Variants in ZNF776 observed in about 807,000 individuals in gnomAD.
ZNF776 encodes the protein zinc finger protein 776.
ZNF776 carries 4 observed loss-of-function variants against 7.0 expected under a neutral mutation model. The observed-to-expected ratio is 0.57, with a 90% CI of 0.28 to 1.31. The LOEUF is 1.31. ZNF776 is among the 50% of genes most tolerant of loss of function. The pLI, the probability that ZNF776 is intolerant of heterozygous loss-of-function variation, is 0.10. For synonymous variants in ZNF776, 212 were observed against 213.7 expected (o/e 0.99, Z 0.07); for missense variants, 555 against 625.9 (o/e 0.89, Z 1.21).
chr19:57,748,574 A>T (rs538811382), intron 1 of ZNF776, among the ~76,000 whole-genome samples: 16 of 152,224 alleles, frequency 1.1e-4, no homozygotes, highest in Non-Finnish European at 1.9e-4. Flanking sequence ...TTCTGGTGGT[A>T]AATCTTTTAG....
In ZNF776 at chr19:57,756,186, A is replaced by G. The variant is rs1986771151; in HGVS notation, c.*1499A>G. ...GCTGCGGGTTGGACCAGCTTGGCCT[A>G]GAGAATTTTTCTGATTACTTGACAA... On this transcript the variant is annotated 3_prime_UTR_variant, in exon 3 of 3. Transcript: ENST00000317178. 1 of 152,204 alleles carries G rather than the reference A, an allele frequency of 6.6e-6. No homozygotes were observed. Among genetic ancestry groups the G allele is most frequent in the South Asian group, 2.1e-4 (1 of 4,828 alleles). 9.4% of individuals were successfully genotyped at this position (152,204 alleles called of 1,614,324 possible).
In ZNF776 at chr19:57,750,711, G is replaced by A. The variant is rs986392202; in HGVS notation, c.34-74G>A. ...CTCCTTGTAGTTTAGGACCTTGGGAGGAGGAAGGGCAAGGGTGGATAAGTG... is the reference window on the plus strand; with the variant it reads ...CTCCTTGTAGTTTAGGACCTTGGGAAGAGGAAGGGCAAGGGTGGATAAGTG... On this transcript the variant is annotated intron_variant, in intron 1 of 2. Coordinates refer to ENST00000317178, the MANE Select transcript of ZNF776 (RefSeq NM_173632.4). The A allele has an allele frequency of 9.9e-6, 15 of 1,516,604 alleles. No individual in the cohort carries two copies. The African/African-American group carries it at 2.0e-4, about 20-fold the overall frequency. The allele number at this position is 1,516,604 out of a possible 1,614,324, so 93.9% of individuals were successfully genotyped here.
At position 57,754,623 on chromosome 19, in the gene ZNF776, G is replaced by A. The variant is rs533410513; in HGVS notation, c.1493G>A (p.Arg498His). Residue 498 changes from arginine (R) to histidine (H), a missense_variant, in exon 3 of 3, where the codon CGT (arginine) becomes CAT (histidine). Coordinates refer to ENST00000317178, the MANE Select transcript of ZNF776 (RefSeq NM_173632.4). ...TGTGGAGAATGTGGAAAGTGTTTTC[G>A]TCAAAAGGGAAACCTCATTAAACAT... ...HECGECGKCF[R>H]QKGNLIKHQR... 2.8e-5 allele frequency: 45 copies of A among 1,614,026 alleles called. No individual in the cohort carries two copies. Among genetic ancestry groups the A allele is most frequent in the South Asian group, 1.3e-4 (12 of 91,074 alleles).
chr19:57,751,484 C>T (rs1986600719), intron 2 of ZNF776, among the ~76,000 whole-genome samples: 1 of 152,108 alleles, frequency 6.6e-6, no homozygotes, highest in Admixed American at 6.6e-5. Flanking sequence ...TCCTCAGCCT[C>T]TAGAGTAACT....
rs762857945 is a variant in ZNF776 at position 57,747,084 on chromosome 19, C to G, written c.26C>G (p.Pro9Arg). The G allele has an allele frequency of 1.4e-5, 23 of 1,591,546 alleles. No individual in the cohort carries two copies. In the East Asian group the frequency reaches 4.6e-4, roughly 32 times the overall value. Residue 9 changes from proline to arginine, a missense_variant, in exon 1 of 3, where the codon CCG (proline) becomes CGG (arginine). By Grantham distance (103) the Pro-to-Arg change is moderately radical. Coordinates refer to ENST00000317178, the MANE Select transcript of ZNF776 (RefSeq NM_173632.4). ...ATGGCGGCGGCCGCGCTGAGGCCCC[C>G]GGCTCAGGTAATTGTGGCGTCTTCC... MAAAALRP[P>R]AQGTVTFEDV...
In ZNF776 at chr19:57,753,275, A is replaced by T; in HGVS notation, c.161-16A>T. 6.3e-7 allele frequency: 1 copy of T among 1,597,096 alleles called. No homozygotes were observed. The highest frequency in any genetic ancestry group is 8.5e-7 in the Non-Finnish European group (1 of 1,171,196). On this transcript the variant is annotated splice_polypyrimidine_tract_variant and intron_variant, in intron 2 of 2. Transcript: ENST00000317178. The stretch of plus-strand genomic sequence containing the variant: ...CGGAAGTACCTTGCATTTTACCAGC[A>T]TTTTATTTCTTTTAGGTTGTTGGTA...
Position 57,754,860 on chromosome 19 carries a change from A to G in ZNF776, c.*173A>G, listed in dbSNP as rs1483482886. ...AAGGCTTTCTGAGTGTAGAGAATGT[A>G]TGAAATCCTGTACATAGAAGTTTTG... On this transcript the variant is annotated 3_prime_UTR_variant, in exon 3 of 3. Transcript: ENST00000317178. The G allele has an allele frequency of 4.6e-6, 3 of 656,376 alleles. No individual in the cohort carries two copies. Among genetic ancestry groups the G allele is most frequent in the Admixed American group, 5.9e-5 (2 of 33,708 alleles). 40.7% of individuals were successfully genotyped at this position (656,376 alleles called of 1,614,324 possible). A position where few individuals can be genotyped will look rare whatever the true frequency, so the allele number is the denominator to read the frequency against.
At chr19:57,751,682 G>GTT (rs1248918001) in intron 2 of ZNF776, among the ~76,000 whole-genome samples, 1 of 138,076 alleles carries the variant, frequency 7.2e-6, no homozygotes, top group African/African-American at 2.6e-5. Flanking sequence ...TTGCTTTTTT[G>GTT]TTTTTTTTTT....
intron 2 of ZNF776, among the ~76,000 whole-genome samples, chr19:57,751,732 CTGATGCAATCA>C (rs1986607325): frequency 1.3e-5 from 2 of 150,794 alleles, no homozygotes. Context: ...CTGCAGTCTA[CTGATGCAATCA>C]TGGTTCACTT....
chr19:57,752,993 A>G (rs1986650085), intron 2 of ZNF776, among the ~76,000 whole-genome samples: 1 of 152,258 alleles, frequency 6.6e-6, no homozygotes, highest in South Asian at 2.1e-4. Context: ...CAGAAACAGA[A>G]TGTTGCCTTT....
chr19:57,751,839 A>C (rs1600067517), intron 2 of ZNF776, among the ~76,000 whole-genome samples: 1 of 130,624 alleles, frequency 7.7e-6, no homozygotes, highest in African/African-American at 2.8e-5. Flanking sequence ...CTGCCCAACT[A>C]ATTTTTGTTC....
chr19:57,747,261 G>A (rs1299118987), intron 1 of ZNF776, among the ~76,000 whole-genome samples, 170 bp downstream of exon 1: 1 of 152,172 alleles, frequency 6.6e-6, no homozygotes, highest in Non-Finnish European at 1.5e-5. Flanking sequence ...GCTCAGGAGA[G>A]CTACAGGCAC....
chr19:57,752,677 G>T (rs540928238), intron 2 of ZNF776, among the ~76,000 whole-genome samples: 1 of 152,304 alleles, frequency 6.6e-6, no homozygotes, highest in East Asian at 1.9e-4. Flanking sequence ...GAGAGTTTCA[G>T]ACTTCACCGT....
chr19:57,747,030 T>A lies in ZNF776; in HGVS notation c.-29T>A. ...GGTACCTGCACTGCTCGCCCCCTCCTTTCGACCCCGCTTTCCCCACCCAGT... is the reference window on the plus strand; with the variant it reads ...GGTACCTGCACTGCTCGCCCCCTCCATTCGACCCCGCTTTCCCCACCCAGT... On this transcript the variant is annotated 5_prime_UTR_variant, in exon 1 of 3. Coordinates refer to ENST00000317178, the MANE Select transcript of ZNF776 (RefSeq NM_173632.4). 1 of 1,567,868 alleles carries A rather than the reference T, an allele frequency of 6.4e-7. No homozygotes were observed. Among genetic ancestry groups the A allele is most frequent in the African/African-American group, 1.4e-5 (1 of 73,594 alleles).
intron 1 of ZNF776, among the ~76,000 whole-genome samples, chr19:57,749,659 C>T (rs998363652): frequency 6.6e-6 from 1 of 152,126 alleles, no homozygotes; most frequent in Admixed American, 6.5e-5. Context: ...TAATAATCAG[C>T]ATGGCCTAAT....
chr19:57,754,708 T>TA lies in ZNF776; in HGVS notation c.*26dup. The TA allele has an allele frequency of 1.9e-6, 3 of 1,598,024 alleles. No homozygotes were observed. Among genetic ancestry groups the TA allele is most frequent in the African/African-American group, 2.7e-5 (2 of 74,604 alleles). On this transcript the variant is annotated 3_prime_UTR_variant, in exon 3 of 3. Transcript: ENST00000317178. Reference sequence around the variant, plus strand: ...GTTGAAAATTTGGCAGATCTGTTGGTAAAAAGAGCACCCTCATTCAACATT... The same window carrying TA: ...GTTGAAAATTTGGCAGATCTGTTGGTAAAAAAGAGCACCCTCATTCAACATT...
Position 57,756,733 on chromosome 19 carries a change from C to T in ZNF776, c.*2046C>T, listed in dbSNP as rs1238234249. The T allele has an allele frequency of 3.5e-6, 1 of 282,502 alleles. No homozygotes were observed. Among genetic ancestry groups the T allele is most frequent in the Non-Finnish European group, 7.1e-6 (1 of 139,912 alleles). The allele number at this position is 282,502 out of a possible 1,614,324, so 17.5% of individuals were successfully genotyped here. A position where few individuals can be genotyped will look rare whatever the true frequency, so the allele number is the denominator to read the frequency against. On this transcript the variant is annotated 3_prime_UTR_variant, in exon 3 of 3. Coordinates refer to ENST00000317178, the MANE Select transcript of ZNF776 (RefSeq NM_173632.4). ...TGTTTATAATGGATATTGCATTCTGCTCAGTACTGGTGAGGGAAATCTGTT... is the reference window on the plus strand; with the variant it reads ...TGTTTATAATGGATATTGCATTCTGTTCAGTACTGGTGAGGGAAATCTGTT...
rs1986679115 is a variant in ZNF776 at position 57,753,726 on chromosome 19, T to A, written c.596T>A (p.Ile199Lys). The change falls in exon 3 of 3, where the codon ATA becomes AAA. Residue 199 changes from isoleucine to lysine, a missense_variant. Transcript: ENST00000317178. ...GKSNFETKHG[I>K]PLQGGKTHYI... is the part of the protein sequence containing the mutation. ...TCAAACTTTGAAACTAAGCATGGGA[T>A]ACCCCTTCAGGGTGGAAAAACTCAT... 6.2e-7 allele frequency: 1 copy of A among 1,614,116 alleles called. No individual in the cohort carries two copies. The highest frequency in any genetic ancestry group is 8.5e-7 in the Non-Finnish European group (1 of 1,180,056).
In ZNF776 at chr19:57,750,812, G is replaced by T; in HGVS notation, c.61G>T (p.Val21Leu). 6.2e-7 allele frequency: 1 copy of T among 1,612,926 alleles called. No homozygotes were observed. The highest frequency in any genetic ancestry group is 8.5e-7 in the Non-Finnish European group (1 of 1,179,260). ...QGTVTFEDVA[V>L]NFSQEEWSLL... ...CACTGTGACCTTTGAAGATGTGGCT[G>T]TGAACTTTTCCCAGGAGGAATGGAG... is the stretch of plus-strand genomic sequence containing the variant. The change falls in exon 2 of 3, where the codon GTG becomes TTG. Residue 21 changes from valine to leucine, a missense_variant. Transcript: ENST00000317178.
Sources: allele counts gnomAD v4.1 joint callset (sites outside exome capture counted in the v4.1 genomes callset), GRCh38; gene constraint gnomAD v4.1.1; transcripts MANE v1.5; gene names NCBI Gene and HGNC (gene_info 2026-07-23, HGNC 2026-07-21).